Variants in ZNF407 observed in about 807,000 individuals in gnomAD.
ZNF407 encodes the protein zinc finger protein 407.
Under a neutral mutation model 131.2 loss-of-function variants are expected in ZNF407, and 17 were observed. The ratio of observed to expected loss-of-function variants is 0.13; its 90% CI spans 0.09 to 0.19. The LOEUF (loss-of-function observed/expected upper bound fraction) is 0.19. Among genes scored for constraint, ZNF407 ranks in the 10% least tolerant of loss-of-function variants. ZNF407 has a pLI of 1.00. For missense variants in ZNF407, 2,681 were observed against 2,830.6 expected (o/e 0.95, Z 1.20); for synonymous variants, 1,156 against 1,062.0 (o/e 1.09, Z -1.72).
intron 3 of ZNF407, among the ~76,000 whole-genome samples, chr18:74,728,756 C>T (rs187818727): frequency 3.2e-4 from 49 of 152,118 alleles, no homozygotes; most frequent in African/African-American, 1.1e-3. Context: ...CAGTGGAGAG[C>T]GTGCTGTGTG....
chr18:74,984,198 G>T (rs566323795), intron 8 of ZNF407, among the ~76,000 whole-genome samples: 1 of 152,078 alleles, frequency 6.6e-6, no homozygotes, highest in Non-Finnish European at 1.5e-5. Flanking sequence ...TGTCCAGGTC[G>T]TTAGCCACTC....
intron 3 of ZNF407, among the ~76,000 whole-genome samples, chr18:74,675,998 T>C (rs945755575): frequency 1.3e-5 from 2 of 152,226 alleles, no homozygotes; most frequent in African/African-American, 4.8e-5. Context: ...TGCTTCTGCA[T>C]GTATAAAAAG....
intron 7 of ZNF407, 116 bp from the exon 8 acceptor site, chr18:74,920,398 A>G: frequency 2.5e-6 from 2 of 806,320 alleles, no homozygotes; most frequent in South Asian, 3.6e-5. Context: ...TTATATGAGT[A>G]CAGCACTTAA....
intron 8 of ZNF407, among the ~76,000 whole-genome samples, chr18:74,969,910 C>T (rs1411088491): frequency 2.0e-5 from 3 of 152,080 alleles, no homozygotes; most frequent in Admixed American, 6.6e-5. Flanking sequence ...TGTATTAGTC[C>T]GTTTGCACGC....
chr18:74,994,261 A>G (rs1450273648), intron 8 of ZNF407, among the ~76,000 whole-genome samples: 2 of 152,234 alleles, frequency 1.3e-5, no homozygotes, highest in Non-Finnish European at 2.9e-5. Flanking sequence ...ATGTGTATAT[A>G]TAGAAAGAGT....
intron 3 of ZNF407, among the ~76,000 whole-genome samples, chr18:74,729,528 G>C (rs750366814): frequency 6.6e-6 from 1 of 151,854 alleles, no homozygotes; most frequent in Admixed American, 6.6e-5. Flanking sequence ...TTGCATGTTC[G>C]TTGGTTCCCT....
intron 4 of ZNF407, among the ~76,000 whole-genome samples, chr18:74,854,200 C>T (rs1970828018): frequency 6.6e-6 from 1 of 152,224 alleles, no homozygotes; most frequent in South Asian, 2.1e-4. Flanking sequence ...AGACAAAAGT[C>T]AAAAGATCTG....
chr18:74,890,808 TCA>T (rs1277936722), intron 7 of ZNF407, among the ~76,000 whole-genome samples: 2 of 152,196 alleles, frequency 1.3e-5, no homozygotes, highest in Non-Finnish European at 2.9e-5. Flanking sequence ...GGTGAAGTCC[TCA>T]CAGAGGAGAG....
At chr18:74,762,389 G>A (rs564009024) in intron 3 of ZNF407, among the ~76,000 whole-genome samples, 6 of 152,018 alleles carry the variant, frequency 3.9e-5, no homozygotes, top group Middle Eastern at 3.4e-3. Flanking sequence ...TGTAAATGTC[G>A]TTTTTAACTT....
At chr18:74,713,374 T>A (rs1967814899) in intron 3 of ZNF407, among the ~76,000 whole-genome samples, 1 of 150,924 alleles carries the variant, frequency 6.6e-6, no homozygotes, top group South Asian at 2.1e-4. Flanking sequence ...TTTTTTTTTT[T>A]TTTTTTTTAC....
At chr18:74,897,957 C>G (rs1971475029) in intron 7 of ZNF407, 2 of 152,210 alleles carry the variant, frequency 1.3e-5, no homozygotes, top group Admixed American at 1.3e-4. Flanking sequence ...ATGTACAAAT[C>G]AGTTTTCACT....
At position 74,634,157 on chromosome 18, in the gene ZNF407, T is replaced by A; in HGVS notation, c.3138T>A (p.Phe1046Leu). The stretch of plus-strand genomic sequence containing the variant: ...GGAAACATACAAAAGAGTTTGAGTT[T>A]TATTGCATGGCATGCGATTACTACG... ...VKRKHTKEFE[F>L]YCMACDYYAV... Residue 1046 changes from phenylalanine (F) to leucine (L), a missense_variant, in exon 2 of 9, where the codon TTT becomes TTA. Phe to Leu is a conservative substitution (Grantham distance 22). Around this residue, in one of 6 missense-constraint regions of ZNF407, gnomAD observed 1,789 missense variants for 1,748.7 expected, o/e 1.02. Transcript: ENST00000299687. 1.2e-6 allele frequency: 2 copies of A among 1,614,034 alleles called. No individual in the cohort carries two copies. The highest frequency in any genetic ancestry group is 1.7e-6 in the Non-Finnish European group (2 of 1,179,900).
intron 4 of ZNF407, among the ~76,000 whole-genome samples, chr18:74,868,730 G>A (rs192681255): frequency 6.6e-6 from 1 of 152,268 alleles, no homozygotes; most frequent in Admixed American, 6.5e-5. Flanking sequence ...CTTGTCTGAA[G>A]CCCCACCTTA....
intron 3 of ZNF407, among the ~76,000 whole-genome samples, chr18:74,755,351 G>T (rs962180850): frequency 5.9e-5 from 9 of 151,928 alleles, no homozygotes; most frequent in African/African-American, 2.2e-4. Context: ...TACATTTAAG[G>T]TTAATATTGT....
At chr18:74,800,613 G>T (rs545294650) in intron 4 of ZNF407, among the ~76,000 whole-genome samples, 164 of 152,178 alleles carry the variant, frequency 1.1e-3, no homozygotes, top group African/African-American at 3.6e-3. Context: ...AGTTCAAAAA[G>T]AATTATACGA....
intron 4 of ZNF407, among the ~76,000 whole-genome samples, chr18:74,850,081 A>G (rs572506700): frequency 2.0e-5 from 3 of 152,160 alleles, no homozygotes; most frequent in African/African-American, 7.2e-5. Flanking sequence ...TGTTTCTTTG[A>G]TTGTGTCTCT....
At position 74,633,907 on chromosome 18, in the gene ZNF407, G is replaced by A. The variant is rs764021876; in HGVS notation, c.2888G>A (p.Gly963Glu). 3.1e-6 allele frequency: 5 copies of A among 1,613,884 alleles called. No individual in the cohort carries two copies. In the East Asian group the frequency reaches 1.1e-4, roughly 36 times the overall value. ...PTSVLEKPDR[G>E]NSIEAEVENV... is the part of the protein sequence containing the mutation. ...TCCGTTTTAGAGAAGCCAGATCGTG[G>A]AAACTCAATTGAAGCTGAAGTTGAA... is the stretch of plus-strand genomic sequence containing the variant. The change falls in exon 2 of 9, where the codon GGA becomes GAA. Residue 963 changes from glycine (G) to glutamate (E), a missense_variant. Gly to Glu is a moderately conservative substitution (Grantham distance 98). Coordinates refer to ENST00000299687, the MANE Select transcript of ZNF407 (RefSeq NM_017757.3).
chr18:74,767,153 C>A (rs1969252524), intron 3 of ZNF407, among the ~76,000 whole-genome samples: 1 of 152,148 alleles, frequency 6.6e-6, no homozygotes, highest in Non-Finnish European at 1.5e-5. Context: ...CTCAGGTGAT[C>A]CACCTGCGTC....
intron 8 of ZNF407, among the ~76,000 whole-genome samples, chr18:74,990,211 A>T (rs1253010057): frequency 1.3e-5 from 2 of 152,196 alleles, no homozygotes; most frequent in Non-Finnish European, 2.9e-5. Flanking sequence ...GAAAAATTAA[A>T]CGCTCTGTGC....
Sources: gnomAD v4.1 joint callset for allele counts (sites outside exome capture counted in the v4.1 genomes callset) on GRCh38, gnomAD v4.1.1 for gene constraint, gnomAD v4.1.1 regional missense constraint, MANE v1.5 for transcripts, NCBI Gene and HGNC (gene_info 2026-07-23, HGNC 2026-07-21) for gene names.